Variants in RNF212B observed in about 807,000 individuals in gnomAD.
The protein encoded by RNF212B is ring finger protein 212B, also known as E3 ubiquitin-protein ligase RNF212B.
A neutral mutation model predicts 55.5 loss-of-function variants in RNF212B; 52 were observed. The observed-to-expected ratio is 0.94, with a 90% CI of 0.75 to 1.18. The LOEUF is 1.18. Among genes scored for constraint, RNF212B ranks in the 50% most tolerant of loss-of-function variants. The probability of loss-of-function intolerance (pLI) is 0.00; values close to 1 mark genes in which losing one functional copy is unlikely to be tolerated. For synonymous variants in RNF212B, 99 were observed against 121.4 expected, an observed-to-expected ratio of 0.82 and a Z score of 1.21; for missense variants, 289 against 350.4, an observed-to-expected ratio of 0.82 and a Z score of 1.40.
chr14:23,236,912 T>C (rs558602768), upstream of RNF212B, among the ~76,000 whole-genome samples: 86 of 150,758 alleles, frequency 5.7e-4, no homozygotes, highest in Non-Finnish European at 1.1e-3. Context: ...CATTGTTATC[T>C]AGAATGCTTC....
At chr14:23,257,313 T>G (rs1884918691) in intron 4 of RNF212B, among the ~76,000 whole-genome samples, 1 of 152,216 alleles carries the variant, frequency 6.6e-6, no homozygotes, top group Non-Finnish European at 1.5e-5. Context: ...ATGATCACCA[T>G]GCCTGGCTTA....
chr14:23,201,508 A>G (rs1879283683), intron 2 of RNF212B, among the ~76,000 whole-genome samples: 1 of 152,246 alleles, frequency 6.6e-6, no homozygotes, highest in African/African-American at 2.4e-5. Context: ...ATACAAATAC[A>G]GCTCAAAGAA....
chr14:23,208,781 C>T (rs1376277840), intron 2 of RNF212B, among the ~76,000 whole-genome samples: 13 of 12,548 alleles, frequency 1.0e-3, no homozygotes, highest in East Asian at 8.5e-3. Flanking sequence ...TTTTTTGAGA[C>T]GGAGTCTCAC....
chr14:23,263,315 A>C (rs1054810606), intron 9 of RNF212B, among the ~76,000 whole-genome samples: 3 of 152,224 alleles, frequency 2.0e-5, no homozygotes, highest in South Asian at 2.1e-4. Flanking sequence ...CACATTTAGC[A>C]TATTGTTTAA....
At chr14:23,238,773 T>TA (rs1555316033) in intron 1 of RNF212B, among the ~76,000 whole-genome samples, 24 of 146,592 alleles carry the variant, frequency 1.6e-4, no homozygotes, top group African/African-American at 5.7e-4. Context: ...ATAATAATAA[T>TA]AATAATAATC....
At chr14:23,208,773 TTTTG>T (rs1390094806) in intron 2 of RNF212B, among the ~76,000 whole-genome samples, 7 of 141,220 alleles carry the variant, frequency 5.0e-5, no homozygotes, top group Admixed American at 1.4e-4. Flanking sequence ...TTTTTTTTTT[TTTTG>T]AGACGGAGTC....
chr14:23,190,525 G>A (rs530326138), intron 1 of RNF212B, among the ~76,000 whole-genome samples: 3 of 152,160 alleles, frequency 2.0e-5, no homozygotes, highest in Non-Finnish European at 4.4e-5. Context: ...CCTGTTAGCT[G>A]TAGCTTCAAA....
Position 23,260,033 on chromosome 14 carries a change from T to G in RNF212B, c.405+89T>G, listed in dbSNP as rs1260933346. The G allele has an allele frequency of 4.8e-6, 3 of 631,056 alleles. No homozygotes were observed. The Admixed American group carries it at 1.0e-4, about 22-fold the overall frequency. 39.1% of individuals were successfully genotyped at this position (631,056 alleles called of 1,614,324 possible). Reference sequence around the variant, plus strand: ...CTGTATAGAATAGTGTTTCCTAATCTTTTTCTCATCATGGCACACACAGAA... The same window carrying G: ...CTGTATAGAATAGTGTTTCCTAATCGTTTTCTCATCATGGCACACACAGAA... On this transcript the variant is annotated intron_variant, in intron 6 of 14. Transcript: ENST00000430154.
At chr14:23,238,780 A>AATAATAATC (rs1343117592) in intron 1 of RNF212B, among the ~76,000 whole-genome samples, 2 of 145,652 alleles carry the variant, frequency 1.4e-5, no homozygotes, top group East Asian at 4.0e-4. Flanking sequence ...TAATAATAAT[A>AATAATAATC]ATCCCACAAA....
chr14:23,195,171 C>T (rs373513424), intron 2 of RNF212B, among the ~76,000 whole-genome samples: 10 of 151,564 alleles, frequency 6.6e-5, no homozygotes, highest in Middle Eastern at 3.4e-3. Flanking sequence ...TGCACGTCTA[C>T]AGTCCCAGCT....
chr14:23,272,761 G>T (rs751574221), intron 14 of RNF212B, 62 bp from the exon 15 acceptor site: 142 of 1,021,458 alleles, frequency 1.4e-4, no homozygotes, highest in Non-Finnish European at 1.9e-4. Context: ...AGGTCAGAGA[G>T]ACTTGCTTGC....
rs1402611556 is a variant in RNF212B, at chr14:23,273,173, A to G, written c.*282A>G. 3 of 261,990 alleles carry G rather than the reference A, an allele frequency of 1.1e-5. No individual in the cohort carries two copies. Among genetic ancestry groups the G allele is most frequent in the African/African-American group, 4.5e-5 (2 of 44,722 alleles). The allele number at this position is 261,990 out of a possible 1,614,324, so 16.2% of individuals were successfully genotyped here. ...ACAATTTGGAACAAAGGTCAAAAAA[A>G]TAATTCTTGGCATCATGCTTGGTTG... On this transcript the variant is annotated 3_prime_UTR_variant, in exon 15 of 15. Transcript: ENST00000430154.
At chr14:23,257,943 C>G (rs1223081933) in intron 4 of RNF212B, among the ~76,000 whole-genome samples, 2 of 152,130 alleles carry the variant, frequency 1.3e-5, no homozygotes, top group Non-Finnish European at 2.9e-5. Context: ...AGAACCAATT[C>G]TAAGCTTGAA....
intron 2 of RNF212B, among the ~76,000 whole-genome samples, chr14:23,203,571 C>A (rs990221825): frequency 1.3e-5 from 2 of 151,426 alleles, no homozygotes; most frequent in African/African-American, 4.9e-5. Flanking sequence ...CTCCACCTTC[C>A]GGGTTCAAGC....
At chr14:23,226,677 TG>T (rs1329871629) in intron 2 of RNF212B, among the ~76,000 whole-genome samples, 2 of 151,794 alleles carry the variant, frequency 1.3e-5, no homozygotes, top group African/African-American at 4.8e-5. Flanking sequence ...CGGTGGGTGA[TG>T]GTAAGAGATG....
intron 7 of RNF212B, chr14:23,261,391 T>A (rs897617513): frequency 2.0e-5 from 3 of 152,368 alleles, no homozygotes; most frequent in African/African-American, 7.2e-5. Flanking sequence ...GGTCTTTAAA[T>A]AAATTTTGCT....
chr14:23,210,347 C>T (rs75371684), intron 2 of RNF212B, among the ~76,000 whole-genome samples: 6,688 of 152,174 alleles, frequency 0.044, 333 homozygotes, highest in East Asian at 0.13. Context: ...GACAATGAAA[C>T]GCAGTGCGGT....
intron 2 of RNF212B, among the ~76,000 whole-genome samples, chr14:23,218,594 A>G (rs566206807): frequency 6.6e-6 from 1 of 152,082 alleles, no homozygotes; most frequent in East Asian, 1.9e-4. Flanking sequence ...GGGTGACAGA[A>G]GTGAGATGCT....
intron 1 of RNF212B, among the ~76,000 whole-genome samples, chr14:23,190,536 T>A (rs1214260141): frequency 1.3e-5 from 2 of 152,220 alleles, no homozygotes; most frequent in Non-Finnish European, 2.9e-5. Context: ...TAGCTTCAAA[T>A]CAAATCTCGC....
Sources: allele counts gnomAD v4.1 joint callset (sites outside exome capture counted in the v4.1 genomes callset), GRCh38; gene constraint gnomAD v4.1.1; transcripts MANE v1.5; gene names NCBI Gene and HGNC (gene_info 2026-07-23, HGNC 2026-07-21).